CADM2: variants seen among roughly 807,000 people sequenced by gnomAD.
The protein encoded by CADM2 is immunoglobulin superfamily member 4D.
In CADM2, 12 loss-of-function variants were observed where a neutral mutation model predicts 49.8. The observed-to-expected ratio is 0.24, with a 90% confidence interval of 0.15 to 0.39. The LOEUF (loss-of-function observed/expected upper bound fraction) is 0.39. CADM2 is among the 10% of genes least tolerant of loss of function. CADM2 has a pLI of 1.00. For missense variants in CADM2, 378 were observed against 492.3 expected, an observed-to-expected ratio of 0.77 and a Z score of 2.20; for synonymous variants, 214 against 175.4, an observed-to-expected ratio of 1.22 and a Z score of -1.74.
chr3:85,282,147 A>C (rs2106892648), intron 1 of CADM2, among the ~76,000 whole-genome samples: 1 of 151,946 alleles, frequency 6.6e-6, no homozygotes, highest in South Asian at 2.1e-4. Flanking sequence ...TTTACTACAA[A>C]ATATTGACAC....
At chr3:86,060,297 C>CA (rs887046836) in intron 8 of CADM2, among the ~76,000 whole-genome samples, 13 of 151,218 alleles carry the variant, frequency 8.6e-5, no homozygotes, top group South Asian at 2.1e-4. Flanking sequence ...AGGTTACAGG[C>CA]AAAAAAAATT....
intron 1 of CADM2, among the ~76,000 whole-genome samples, chr3:85,313,337 T>G (rs1057027059): frequency 2.0e-5 from 3 of 152,220 alleles, no homozygotes; most frequent in African/African-American, 7.2e-5. Context: ...AAATCTCTTT[T>G]TGCAGCAAAG....
At chr3:85,861,527 C>G in intron 3 of CADM2, among the ~76,000 whole-genome samples, 1 of 152,110 alleles carries the variant, frequency 6.6e-6, no homozygotes, top group East Asian at 1.9e-4. Context: ...GACTGTTATG[C>G]ATGCAACTGG....
At chr3:85,381,519 A>G (rs1440287353) in intron 1 of CADM2, among the ~76,000 whole-genome samples, 3 of 148,088 alleles carry the variant, frequency 2.0e-5, no homozygotes, top group Non-Finnish European at 4.5e-5. Context: ...TAAAGTATAT[A>G]TATATAAAGA....
chr3:85,612,760 G>A (rs560990445), intron 1 of CADM2, among the ~76,000 whole-genome samples: 1 of 151,764 alleles, frequency 6.6e-6, no homozygotes, highest in East Asian at 1.9e-4. Flanking sequence ...TAGCATAATA[G>A]ATACAAAATA....
intron 8 of CADM2, among the ~76,000 whole-genome samples, chr3:85,978,403 A>G (rs1280960909): frequency 1.3e-5 from 2 of 151,628 alleles, no homozygotes; most frequent in Non-Finnish European, 3.0e-5. Context: ...CACTTCAAGT[A>G]TATGTTCAGT....
chr3:85,709,551 T>G (rs1053811275), intron 1 of CADM2, among the ~76,000 whole-genome samples: 6 of 152,170 alleles, frequency 3.9e-5, no homozygotes, highest in African/African-American at 1.4e-4. Flanking sequence ...ATGTGTCAAA[T>G]TACTGTTCTG....
At chr3:85,497,407 G>A (rs957793729) in intron 1 of CADM2, among the ~76,000 whole-genome samples, 54 of 151,916 alleles carry the variant, frequency 3.6e-4, no homozygotes, top group Admixed American at 2.6e-3. Context: ...TCTTGCAGTA[G>A]CAGAAAGAAG....
At chr3:85,397,592 A>G (rs74508165) in intron 1 of CADM2, among the ~76,000 whole-genome samples, 2,114 of 152,346 alleles carry the variant, frequency 0.014, 48 homozygotes, top group African/African-American at 0.048. Flanking sequence ...CAAGGAGGAA[A>G]CTTGAAACTA....
intron 1 of CADM2, among the ~76,000 whole-genome samples, chr3:85,560,635 T>C (rs957649461): frequency 6.6e-6 from 1 of 152,162 alleles, no homozygotes; most frequent in Non-Finnish European, 1.5e-5. Flanking sequence ...GTACAGGATG[T>C]TTTCCTTTCC....
At chr3:85,457,426 A>AG (rs1365390354) in intron 1 of CADM2, among the ~76,000 whole-genome samples, 1 of 152,090 alleles carries the variant, frequency 6.6e-6, no homozygotes, top group Non-Finnish European at 1.5e-5. Context: ...GAAAAAAAAA[A>AG]AATTAAAAAG....
intron 5 of CADM2, among the ~76,000 whole-genome samples, chr3:85,886,934 A>G (rs1265561212): frequency 6.6e-6 from 1 of 152,138 alleles, no homozygotes; most frequent in African/African-American, 2.4e-5. Context: ...TTTATAAGGG[A>G]GATGGCTTGG....
At chr3:85,265,479 G>C (rs536927567) in intron 1 of CADM2, among the ~76,000 whole-genome samples, 1 of 152,100 alleles carries the variant, frequency 6.6e-6, no homozygotes, top group East Asian at 1.9e-4. Flanking sequence ...GGAAGGACAA[G>C]AGAGCATGAG....
At chr3:86,012,717 C>T in intron 8 of CADM2, 4 of 940,822 alleles carry the variant, frequency 4.3e-6, no homozygotes, top group East Asian at 2.6e-5. Flanking sequence ...CGGCTGGGCG[C>T]GTTGACTCAC....
chr3:85,121,833 A>G (rs564018480), intron 1 of CADM2, among the ~76,000 whole-genome samples: 1 of 152,218 alleles, frequency 6.6e-6, no homozygotes, highest in East Asian at 1.9e-4. Flanking sequence ...GCATTCTTAC[A>G]ATTTTAAAAT....
At chr3:85,938,464 GA>G (rs1268477267) in intron 7 of CADM2, among the ~76,000 whole-genome samples, 1 of 151,892 alleles carries the variant, frequency 6.6e-6, no homozygotes, top group East Asian at 1.9e-4. Context: ...AGAGGGATGA[GA>G]AAAAATTCTG....
At chr3:85,212,884 T>A (rs13088250) in intron 1 of CADM2, among the ~76,000 whole-genome samples, 1 of 78,610 alleles carries the variant, frequency 1.3e-5, no homozygotes, top group Non-Finnish European at 2.6e-5. Context: ...CTTTCTTTCT[T>A]TCTCTTTCTT....
intron 8 of CADM2, among the ~76,000 whole-genome samples, chr3:86,046,475 A>G (rs1202935172): frequency 1.3e-5 from 2 of 152,160 alleles, no homozygotes; most frequent in African/African-American, 2.4e-5. Flanking sequence ...TTGGCCCCCA[A>G]GAGACATGTG....
intron 1 of CADM2, among the ~76,000 whole-genome samples, chr3:85,444,936 G>A (rs536983025): frequency 6.6e-6 from 1 of 152,180 alleles, no homozygotes; most frequent in South Asian, 2.1e-4. Context: ...ATCTGAGTGA[G>A]TAGATGTAAA....
Sources: gnomAD v4.1 joint callset for allele counts (sites outside exome capture counted in the v4.1 genomes callset) on GRCh38, gnomAD v4.1.1 for gene constraint, MANE v1.5 for transcripts, NCBI Gene and HGNC (gene_info 2026-07-23, HGNC 2026-07-21) for gene names.